Variants in PRDM16 observed in about 807,000 individuals in gnomAD.
PRDM16 encodes the protein histone-lysine N-methyltransferase PRDM16.
In PRDM16, 23 loss-of-function variants were observed where a neutral mutation model predicts 110.6. That is an observed-to-expected ratio of 0.21 (90% CI 0.15 to 0.29). PRDM16 has a LOEUF of 0.29. Among genes scored for constraint, PRDM16 ranks in the 10% least tolerant of loss-of-function variants. The pLI is 1.00. For missense variants in PRDM16, 1,615 were observed against 1,794.3 expected (o/e 0.90, Z 1.81); for synonymous variants, 799 against 781.8 (o/e 1.02, Z -0.37).
At chr1:3,073,767 C>G (rs996668460) in intron 1 of PRDM16, among the ~76,000 whole-genome samples, 16 of 152,314 alleles carry the variant, frequency 1.1e-4, no homozygotes, top group Non-Finnish European at 2.4e-4. Context: ...CGCGTCCACA[C>G]CGCGCAGCCT....
At chr1:3,388,818 A>G (rs1245177323) in intron 4 of PRDM16, among the ~76,000 whole-genome samples, 1 of 152,188 alleles carries the variant, frequency 6.6e-6, no homozygotes, top group African/African-American at 2.4e-5. Context: ...CACCTCCTTC[A>G]GCCCATCCCG....
intron 4 of PRDM16, among the ~76,000 whole-genome samples, chr1:3,391,748 A>G (rs908333046): frequency 1.3e-5 from 2 of 152,244 alleles, no homozygotes; most frequent in African/African-American, 2.4e-5. Flanking sequence ...AGGACTGTCT[A>G]TAGTCTGGGA....
At chr1:3,263,610 C>T (rs1640219062) in intron 3 of PRDM16, among the ~76,000 whole-genome samples, 2 of 152,232 alleles carry the variant, frequency 1.3e-5, no homozygotes, top group Non-Finnish European at 2.9e-5. Flanking sequence ...AGGCACACGG[C>T]CCATATGTCC....
intron 3 of PRDM16, among the ~76,000 whole-genome samples, chr1:3,256,623 C>T (rs1361044534): frequency 3.9e-5 from 6 of 152,136 alleles, no homozygotes; most frequent in Admixed American, 3.3e-4. Context: ...CTTTGGGAGG[C>T]CGAGGCAGGC....
Position 3,355,596 on chromosome 1 carries a change from G to A in PRDM16, c.439-29556G>A, listed in dbSNP as rs183679346. Among the ~76,000 whole-genome samples, 50 of 152,290 alleles carry A rather than the reference G, an allele frequency of 3.3e-4. No homozygotes were observed. The East Asian group carries it at 9.5e-3, about 29-fold the overall frequency. On this transcript the variant is annotated intron_variant, in intron 3 of 16. Coordinates refer to ENST00000270722, the MANE Select transcript of PRDM16 (RefSeq NM_022114.4). The stretch of plus-strand genomic sequence containing the variant: ...CCCAAGAACAATAAAAACAAGGGCA[G>A]CATCCGCTCGACGGTGGGTGCTCTC...
intron 3 of PRDM16, among the ~76,000 whole-genome samples, chr1:3,276,299 C>T (rs994441004): frequency 6.6e-6 from 1 of 152,224 alleles, no homozygotes; most frequent in Admixed American, 6.5e-5. Flanking sequence ...ATTGGGCCCG[C>T]GGTGGGAGTC....
chr1:3,242,490 T>A (rs1639696818), intron 2 of PRDM16, among the ~76,000 whole-genome samples: 1 of 152,090 alleles, frequency 6.6e-6, no homozygotes, highest in Non-Finnish European at 1.5e-5. Context: ...GCATCCAGAG[T>A]GAGGAGAGAT....
chr1:3,216,732 A>G (rs534736870), intron 2 of PRDM16, among the ~76,000 whole-genome samples: 25 of 151,912 alleles, frequency 1.6e-4, no homozygotes, highest in Admixed American at 5.2e-4. Flanking sequence ...GTCTAGGCCC[A>G]TGCCTGAGAC....
At chr1:3,160,664 A>G (rs1643890191) in intron 1 of PRDM16, among the ~76,000 whole-genome samples, 1 of 152,100 alleles carries the variant, frequency 6.6e-6, no homozygotes, top group Non-Finnish European at 1.5e-5. Context: ...CTGCCCTAGA[A>G]CCCCGTCTGG....
intron 15 of PRDM16, among the ~76,000 whole-genome samples, chr1:3,431,389 C>G (rs955015901): frequency 1.3e-5 from 2 of 152,176 alleles, no homozygotes; most frequent in African/African-American, 4.8e-5. Context: ...CATGGAGGCC[C>G]CCGGCCCTGC....
rs1346155436 is a variant in PRDM16, at chr1:3,181,697, TACAC to T, written c.38-4425_38-4422del. Among the ~76,000 whole-genome samples the T allele has an allele frequency of 1.5e-5, 2 of 133,684 alleles. 1 individual carries two copies. The highest frequency in any genetic ancestry group is 3.1e-5 in the Non-Finnish European group (2 of 64,478). The allele number at this position is 133,684 out of a possible 152,430, so 87.7% of individuals were successfully genotyped here. A position where few individuals can be genotyped will look rare whatever the true frequency, so the allele number is the denominator to read the frequency against. ...ACACGCGCAGTCTTACACACGGTCT[TACAC>T]ACGGTCTTACACACGCAGTCTTACA... is the stretch of plus-strand genomic sequence containing the variant. On this transcript the variant is annotated intron_variant, in intron 1 of 16. Transcript: ENST00000270722.
At chr1:3,181,077 C>T (rs1423319701) in intron 1 of PRDM16, among the ~76,000 whole-genome samples, 1 of 145,666 alleles carries the variant, frequency 6.9e-6, no homozygotes, top group Non-Finnish European at 1.5e-5. Flanking sequence ...CACACCCGGT[C>T]TTACACACGG....
chr1:3,281,300 C>T (rs770002228), intron 3 of PRDM16, among the ~76,000 whole-genome samples: 2 of 152,302 alleles, frequency 1.3e-5, no homozygotes, highest in East Asian at 1.9e-4. Context: ...CTACAGCTGC[C>T]GGTGGCCAGA....
At chr1:3,283,820 G>A (rs1301015929) in intron 3 of PRDM16, among the ~76,000 whole-genome samples, 1 of 152,254 alleles carries the variant, frequency 6.6e-6, no homozygotes, top group Non-Finnish European at 1.5e-5. Flanking sequence ...GCCGGCTGGT[G>A]GTGTTGCGGC....
At chr1:3,103,471 A>AC (rs1458565928) in intron 1 of PRDM16, among the ~76,000 whole-genome samples, 2 of 151,898 alleles carry the variant, frequency 1.3e-5, no homozygotes, top group East Asian at 1.9e-4. Flanking sequence ...ATTTGAGGGG[A>AC]CCCAGTGCCC....
chr1:3,354,160 G>A (rs1642547600), intron 3 of PRDM16, among the ~76,000 whole-genome samples: 1 of 152,222 alleles, frequency 6.6e-6, no homozygotes, highest in South Asian at 2.1e-4. Context: ...AGACGCTGCA[G>A]ATAAAGAACC....
intron 4 of PRDM16, among the ~76,000 whole-genome samples, chr1:3,395,342 C>T (rs569350461): frequency 6.6e-6 from 1 of 152,118 alleles, no homozygotes; most frequent in African/African-American, 2.4e-5. Context: ...AGGATGGCCA[C>T]GTCCCCTCAA....
intron 3 of PRDM16, among the ~76,000 whole-genome samples, chr1:3,318,973 C>T (rs1335625835): frequency 2.0e-5 from 3 of 152,234 alleles, no homozygotes; most frequent in African/African-American, 7.2e-5. Context: ...TTTAATGCTG[C>T]AAATGGCTAC....
rs1638930699 is a variant in PRDM16 at position 3,437,188 on chromosome 1, G to A, written c.*3377G>A. On this transcript the variant is annotated 3_prime_UTR_variant, in exon 17 of 17. Transcript: ENST00000270722. ...GTGGTGTGGCCTGAGAGACTGCCCA[G>A]CTGGAGAGGCCTTCCTTTACAAGGC... 4.3e-6 allele frequency: 1 copy of A among 232,266 alleles called. No individual in the cohort carries two copies. Among genetic ancestry groups the A allele is most frequent in the Non-Finnish European group, 8.5e-6 (1 of 117,478 alleles). The allele number at this position is 232,266 out of a possible 1,614,324, so 14.4% of individuals were successfully genotyped here.
Sources: allele counts gnomAD v4.1 joint callset (sites outside exome capture counted in the v4.1 genomes callset), GRCh38; gene constraint gnomAD v4.1.1; transcripts MANE v1.5; gene names NCBI Gene and HGNC (gene_info 2026-07-23, HGNC 2026-07-21).